Variants in JARID2 observed in about 807,000 individuals in gnomAD.
JARID2 encodes the protein protein Jumonji.
Under a neutral mutation model 125.6 loss-of-function variants are expected in JARID2, and 21 were observed. That is an observed-to-expected ratio of 0.17 (90% CI 0.12 to 0.24). The LOEUF (loss-of-function observed/expected upper bound fraction) is 0.24, where lower values mean the gene tolerates loss of function less well. Among genes scored for constraint, JARID2 ranks in the 10% least tolerant of loss-of-function variants. The pLI is 1.00. For synonymous variants in JARID2, 736 were observed against 661.6 expected, an observed-to-expected ratio of 1.11 and a Z score of -1.73; for missense variants, 1,303 against 1,639.6, an observed-to-expected ratio of 0.79 and a Z score of 3.55.
chr6:15,338,377 C>T (rs1175083089), intron 1 of JARID2, among the ~76,000 whole-genome samples: 3 of 152,162 alleles, frequency 2.0e-5, no homozygotes, highest in East Asian at 3.8e-4. Context: ...AAAAATGCGT[C>T]GTAGCCCTCT....
chr6:15,304,327 A>ACTGTAACT (rs990535773), intron 1 of JARID2, among the ~76,000 whole-genome samples: 4 of 9,784 alleles, frequency 4.1e-4, no homozygotes, highest in African/African-American at 1.6e-3. Flanking sequence ...CCGCCCACCC[A>ACTGTAACT]CTGTAACTTG....
chr6:15,264,321 T>A (rs576044967), intron 1 of JARID2, among the ~76,000 whole-genome samples: 1 of 152,314 alleles, frequency 6.6e-6, no homozygotes, highest in South Asian at 2.1e-4. Flanking sequence ...CTCAGGTTCA[T>A]TGTCAAAAAA....
chr6:15,394,531 C>T (rs555596244), intron 2 of JARID2, among the ~76,000 whole-genome samples: 5 of 152,168 alleles, frequency 3.3e-5, no homozygotes, highest in African/African-American at 9.6e-5. Flanking sequence ...CCCGGAAGGT[C>T]GACGCTGTAG....
chr6:15,447,335 T>C (rs1561868611), intron 3 of JARID2, among the ~76,000 whole-genome samples: 1 of 152,034 alleles, frequency 6.6e-6, no homozygotes, highest in Admixed American at 6.6e-5. Context: ...GTGGAGTTCC[T>C]GGAATGAAGG....
At chr6:15,388,051 T>A (rs926087470) in intron 2 of JARID2, among the ~76,000 whole-genome samples, 4 of 152,202 alleles carry the variant, frequency 2.6e-5, no homozygotes, top group Non-Finnish European at 5.9e-5. Flanking sequence ...TTATTGACGT[T>A]CTTTCTTATA....
At chr6:15,292,613 T>C (rs1249168303) in intron 1 of JARID2, among the ~76,000 whole-genome samples, 1 of 152,208 alleles carries the variant, frequency 6.6e-6, no homozygotes, top group Non-Finnish European at 1.5e-5. Flanking sequence ...CATTTAAATA[T>C]TAAAAATGGA....
rs959778413 is a variant in JARID2, at chr6:15,248,882, C to G, written c.45+2298C>G. The G allele has an allele frequency of 4.8e-5, 47 of 983,038 alleles. 1 individual carries two copies. Among genetic ancestry groups the G allele is most frequent in the Middle Eastern group, 5.2e-4 (1 of 1,932 alleles). The allele number at this position is 983,038 out of a possible 1,614,324, so 60.9% of individuals were successfully genotyped here. On this transcript the variant is annotated intron_variant, in intron 1 of 17. Coordinates refer to ENST00000341776, the MANE Select transcript of JARID2 (RefSeq NM_004973.4). ...GCGGGGGCGGGGGCTGCCGCAGAGC[C>G]GGGCTGCGGCGTGGGAGGAGGAAGA... is the stretch of plus-strand genomic sequence containing the variant.
At chr6:15,326,758 C>A (rs1290016166) in intron 1 of JARID2, among the ~76,000 whole-genome samples, 1 of 152,216 alleles carries the variant, frequency 6.6e-6, no homozygotes, top group Non-Finnish European at 1.5e-5. Flanking sequence ...ACCTTGGCCT[C>A]CGAAAGTTCT....
chr6:15,428,117 T>G (rs1033202939), intron 3 of JARID2, among the ~76,000 whole-genome samples: 2 of 152,048 alleles, frequency 1.3e-5, no homozygotes, highest in African/African-American at 4.8e-5. Context: ...AGAAGAAAAT[T>G]GGGTTCATTT....
intron 3 of JARID2, among the ~76,000 whole-genome samples, chr6:15,413,002 G>GTTTTGTTT (rs1765953355): frequency 2.1e-5 from 1 of 46,532 alleles, no homozygotes; most frequent in Non-Finnish European, 3.9e-5. Flanking sequence ...AAGAGCTTGT[G>GTTTTGTTT]TTTTTGTTTT....
chr6:15,295,754 C>T (rs1003216456), intron 1 of JARID2, among the ~76,000 whole-genome samples: 1 of 152,164 alleles, frequency 6.6e-6, no homozygotes, highest in African/African-American at 2.4e-5. Flanking sequence ...ACCTCTGCCT[C>T]CTGAGTTCAA....
intron 1 of JARID2, among the ~76,000 whole-genome samples, chr6:15,332,718 C>G (rs1363678463): frequency 1.3e-5 from 2 of 152,112 alleles, no homozygotes; most frequent in Non-Finnish European, 2.9e-5. Flanking sequence ...GTTCACTTGT[C>G]TAGATCCTGC....
chr6:15,463,237 C>T (rs1768537826), intron 4 of JARID2, among the ~76,000 whole-genome samples: 1 of 152,164 alleles, frequency 6.6e-6, no homozygotes, highest in Non-Finnish European at 1.5e-5. Flanking sequence ...TCCCAAACCT[C>T]TAAAACATAC....
chr6:15,504,647 G>GC lies in JARID2; in HGVS notation c.2541+56dup, dbSNP rs756782693. 14 of 1,173,146 alleles carry GC rather than the reference G, an allele frequency of 1.2e-5. No homozygotes were observed. In the East Asian group the frequency reaches 3.3e-4, roughly 28 times the overall value. 72.7% of individuals were successfully genotyped at this position (1,173,146 alleles called of 1,614,324 possible). ...TCATGGTGTGGGAACCCCTCGGCGA[G>GC]CTGGAGGACATCCTGTCCTGCCCTG... On this transcript the variant is annotated intron_variant, in intron 9 of 17. Coordinates refer to ENST00000341776, the MANE Select transcript of JARID2 (RefSeq NM_004973.4).
At chr6:15,330,597 A>G (rs1477852788) in intron 1 of JARID2, among the ~76,000 whole-genome samples, 1 of 152,254 alleles carries the variant, frequency 6.6e-6, no homozygotes, top group African/African-American at 2.4e-5. Flanking sequence ...AATGTATTTC[A>G]AAAATCAGTT....
At chr6:15,311,905 A>G (rs1241072372) in intron 1 of JARID2, among the ~76,000 whole-genome samples, 2 of 152,164 alleles carry the variant, frequency 1.3e-5, no homozygotes, top group South Asian at 2.1e-4. Flanking sequence ...CCTGGATTGT[A>G]TTGCCAGAGG....
Position 15,505,635 on chromosome 6 carries a change from T to G in JARID2, c.2541+1043T>G, listed in dbSNP as rs373890148. 9.2e-5 allele frequency among the ~76,000 whole-genome samples: 14 copies of G among 152,332 alleles called. 1 individual carries two copies. In the South Asian group the frequency reaches 2.7e-3, roughly 29 times the overall value. On this transcript the variant is annotated intron_variant, in intron 9 of 17. Transcript: ENST00000341776. ...AATAGAGGTTTACCTTTCACGCCAT[T>G]TTCATCGTCTTAGGACCTAGGTCTC... is the stretch of plus-strand genomic sequence containing the variant.
chr6:15,313,445 A>C (rs1031304181), intron 1 of JARID2, among the ~76,000 whole-genome samples: 3 of 152,206 alleles, frequency 2.0e-5, no homozygotes, highest in Non-Finnish European at 4.4e-5. Context: ...CAGTACAGAC[A>C]GGGTCTTGCA....
intron 3 of JARID2, among the ~76,000 whole-genome samples, chr6:15,436,185 G>T (rs573723093): frequency 6.6e-6 from 1 of 152,298 alleles, no homozygotes; most frequent in Non-Finnish European, 1.5e-5. Flanking sequence ...GAGGACAGAG[G>T]GATTTCTGTA....
Sources: gnomAD v4.1 joint callset for allele counts (sites outside exome capture counted in the v4.1 genomes callset) on GRCh38, gnomAD v4.1.1 for gene constraint, MANE v1.5 for transcripts, NCBI Gene and HGNC (gene_info 2026-07-23, HGNC 2026-07-21) for gene names.